Variants in MATCAP1 observed in about 807,000 individuals in gnomAD.
MATCAP1 encodes microtubule associated tyrosine carboxypeptidase 1.
At chr16:67,181,334 G>A in the MATCAP1 span, among the ~76,000 whole-genome samples, 5 of 152,318 alleles carry the variant, frequency 3.3e-5, no homozygotes, top group East Asian at 1.9e-4. Flanking sequence ...CCATGCTTAC[G>A]CCGGTACCCC....
chr16:67,178,084 A>G, the MATCAP1 span: 1 of 1,613,864 alleles, frequency 6.2e-7, no homozygotes, highest in South Asian at 1.1e-5. Flanking sequence ...CCGTCCAGGT[A>G]CACCTGGTCC....
chr16:67,179,136 G>T, the MATCAP1 span: 1 of 1,230,452 alleles, frequency 8.1e-7, no homozygotes, highest in Non-Finnish European at 1.0e-6. The surrounding 1 kb of genome is among the most constrained non-coding windows in gnomAD (Gnocchi z 5.2). Context: ...GGCCGGTCAG[G>T]GCCTGACCAG....
chr16:67,180,319 C>T, the MATCAP1 span: 1 of 1,612,286 alleles, frequency 6.2e-7, no homozygotes, highest in Non-Finnish European at 8.5e-7. Flanking sequence ...GGAGGCCGTC[C>T]CAGGGTGCCA....
At chr16:67,176,216 C>G in the MATCAP1 span, 1 of 152,960 alleles carries the variant, frequency 6.5e-6, no homozygotes, top group Non-Finnish European at 1.5e-5. The surrounding 1 kb of genome is among the most constrained non-coding windows in gnomAD (Gnocchi z 4.3). Flanking sequence ...CTGCTGCTCC[C>G]AGCCACAGGA....
the MATCAP1 span, chr16:67,178,835 A>G: frequency 1.7e-6 from 1 of 602,004 alleles, no homozygotes; most frequent in African/African-American, 1.8e-5. Flanking sequence ...ACAAGAATAC[A>G]TATACCACCC....
At chr16:67,177,466 C>T in the MATCAP1 span, among the ~76,000 whole-genome samples, 1 of 152,208 alleles carries the variant, frequency 6.6e-6, no homozygotes, top group Non-Finnish European at 1.5e-5. Flanking sequence ...CCCTTCATCT[C>T]CAACCCAGCG....
chr16:67,178,528 G>A, the MATCAP1 span: 1 of 1,513,902 alleles, frequency 6.6e-7, no homozygotes, highest in Non-Finnish European at 8.8e-7. Context: ...GAGGGGAGGC[G>A]GCGCTGGGCG....
At chr16:67,180,403 G>A in the MATCAP1 span, 3 of 1,612,852 alleles carry the variant, frequency 1.9e-6, no homozygotes, top group Middle Eastern at 1.8e-4. Flanking sequence ...TGGCCCAGGA[G>A]CATCTGTGAG....
the MATCAP1 span, chr16:67,181,508 C>T: frequency 1.3e-5 from 2 of 152,222 alleles, no homozygotes; most frequent in Non-Finnish European, 2.9e-5. Context: ...GGCGCTCACC[C>T]CGACTCTGTT....
At chr16:67,176,709 A>C in the MATCAP1 span, 1 of 1,155,030 alleles carries the variant, frequency 8.7e-7, no homozygotes, top group Non-Finnish European at 1.2e-6. This position sits in a 1 kb window ranked among gnomAD's most constrained non-coding sequence, Gnocchi z 4.3. Flanking sequence ...AACACCCCCA[A>C]GAAACACCTA....
the MATCAP1 span, chr16:67,180,501 G>A: frequency 6.3e-7 from 1 of 1,584,722 alleles, no homozygotes; most frequent in East Asian, 2.2e-5. Flanking sequence ...GGGGTACAGT[G>A]GTGGCCCATC....
the MATCAP1 span, chr16:67,180,403 G>T: frequency 1.9e-6 from 3 of 1,612,852 alleles, no homozygotes; most frequent in Non-Finnish European, 2.5e-6. Context: ...TGGCCCAGGA[G>T]CATCTGTGAG....
At chr16:67,179,833 C>T in the MATCAP1 span, 1 of 1,614,132 alleles carries the variant, frequency 6.2e-7, no homozygotes, top group Admixed American at 1.7e-5. The surrounding 1 kb of genome is among the most constrained non-coding windows in gnomAD (Gnocchi z 5.2). Flanking sequence ...CGCAGCCCTC[C>T]TTCTGCATGT....
chr16:67,179,225 C>T, the MATCAP1 span: 21 of 1,403,686 alleles, frequency 1.5e-5, no homozygotes, highest in Middle Eastern at 2.6e-4. This position sits in a 1 kb window ranked among gnomAD's most constrained non-coding sequence, Gnocchi z 5.2. Flanking sequence ...GAGATGAGAG[C>T]GAGCCCAGAG....
At chr16:67,180,389 A>G in the MATCAP1 span, 1 of 1,612,866 alleles carries the variant, frequency 6.2e-7, no homozygotes, top group South Asian at 1.1e-5. Context: ...GCATGTGGCC[A>G]CGGTGGCCCA....
the MATCAP1 span, chr16:67,179,509 C>A: frequency 1.9e-6 from 3 of 1,613,296 alleles, no homozygotes; most frequent in South Asian, 1.1e-5. This position sits in a 1 kb window ranked among gnomAD's most constrained non-coding sequence, Gnocchi z 5.2. Context: ...GCCGGCTGTT[C>A]TCCACCATCA....
the MATCAP1 span, chr16:67,179,887 C>T: frequency 6.2e-7 from 1 of 1,614,182 alleles, no homozygotes; most frequent in Non-Finnish European, 8.5e-7. This position sits in a 1 kb window ranked among gnomAD's most constrained non-coding sequence, Gnocchi z 5.2. Context: ...TGAGCAGCTG[C>T]CCCCCAGTGG....
At chr16:67,176,827 C>T in the MATCAP1 span, 8 of 1,594,924 alleles carry the variant, frequency 5.0e-6, no homozygotes, top group African/African-American at 1.4e-5. The surrounding 1 kb of genome is among the most constrained non-coding windows in gnomAD (Gnocchi z 4.3). Context: ...GGGTAGCAGG[C>T]GACCCAGCTC....
the MATCAP1 span, chr16:67,178,052 A>G: frequency 7.7e-5 from 124 of 1,614,190 alleles, 1 homozygote; most frequent in South Asian, 1.4e-3. Flanking sequence ...TGGTCTGGCG[A>G]TGTCGCAGAA....
Sources: allele counts gnomAD v4.1 joint callset (sites outside exome capture counted in the v4.1 genomes callset), GRCh38; gene constraint gnomAD v4.1.1; non-coding constraint Gnocchi (gnomAD v3.1); transcripts MANE v1.5; gene names NCBI Gene and HGNC (gene_info 2026-07-23, HGNC 2026-07-21).